The following PAGE2B variants were observed in gnomAD, a reference collection of about 807,000 sequenced individuals.
The protein encoded by PAGE2B is putative G antigen family E member 3.
In PAGE2B, 5 loss-of-function variants were observed where a neutral mutation model predicts 7.6. The ratio of observed to expected loss-of-function variants is 0.66; its 90% confidence interval spans 0.34 to 1.38. PAGE2B has a LOEUF of 1.38. PAGE2B is among the 40% of genes most tolerant of loss of function. PAGE2B has a pLI of 0.04. For synonymous variants in PAGE2B, 29 were observed against 26.7 expected, an observed-to-expected ratio of 1.09 and a Z score of -0.27; for missense variants, 70 against 78.4, an observed-to-expected ratio of 0.89 and a Z score of 0.41.
At chrX:55,036,028 C>T in the PAGE2B span, among the ~76,000 whole-genome samples, 5 of 111,601 alleles carry the variant, frequency 4.5e-5, no homozygotes, top group Non-Finnish European at 7.5e-5. Context: ...CCCTTGTAAG[C>T]TGGATTCCTA....
At chrX:55,053,737 A>G in the PAGE2B span, among the ~76,000 whole-genome samples, 51 of 111,414 alleles carry the variant, frequency 4.6e-4, no homozygotes, top group African/African-American at 1.5e-3. Flanking sequence ...TTTTTTCTAC[A>G]TTCCAATGCA....
chrX:55,041,524 A>G, the PAGE2B span, among the ~76,000 whole-genome samples: 2 of 112,349 alleles, frequency 1.8e-5, no homozygotes, highest in Non-Finnish European at 3.8e-5. Flanking sequence ...GTTGTTTGAC[A>G]GTTGGCAGAG....
chrX:55,072,663 A>G, upstream of PAGE2B, among the ~76,000 whole-genome samples: 1 of 112,410 alleles, frequency 8.9e-6, no homozygotes, highest in Admixed American at 9.4e-5. Context: ...CTGCAGCTGC[A>G]CCCACAGCCA....
At chrX:55,075,488 G>A (rs1936499460) in intron 1 of PAGE2B, among the ~76,000 whole-genome samples, 1 of 111,171 alleles carries the variant, frequency 9.0e-6, no homozygotes, top group Non-Finnish European at 1.9e-5. Flanking sequence ...AGGGGCCTGG[G>A]AACTGGGAAC....
At chrX:55,064,937 C>T in the PAGE2B span, among the ~76,000 whole-genome samples, 489 of 111,331 alleles carry the variant, frequency 4.4e-3, 4 homozygotes, top group African/African-American at 0.015. Flanking sequence ...CAATTTTTTG[C>T]GTGTTTGAAG....
At chrX:55,066,627 G>C in the PAGE2B span, among the ~76,000 whole-genome samples, 1 of 111,648 alleles carries the variant, frequency 9.0e-6, no homozygotes, top group Non-Finnish European at 1.9e-5. Flanking sequence ...GGCCTGTAAG[G>C]TTTCCTCTGA....
At chrX:55,051,214 C>T in the PAGE2B span, among the ~76,000 whole-genome samples, 3 of 111,479 alleles carry the variant, frequency 2.7e-5, no homozygotes, top group African/African-American at 3.3e-5. Flanking sequence ...GTGGGTCACC[C>T]GACCTTTCTC....
chrX:55,038,527 T>C, the PAGE2B span, among the ~76,000 whole-genome samples: 1 of 112,153 alleles, frequency 8.9e-6, no homozygotes, highest in Admixed American at 9.5e-5. Context: ...AACTTACACT[T>C]GTTGATAACT....
chrX:55,054,558 T>A, the PAGE2B span, among the ~76,000 whole-genome samples: 154 of 112,722 alleles, frequency 1.4e-3, no homozygotes, highest in African/African-American at 4.6e-3. Flanking sequence ...GTGTTGTACA[T>A]AACAACATGA....
the PAGE2B span, among the ~76,000 whole-genome samples, chrX:55,028,576 G>A: frequency 2.7e-5 from 3 of 111,401 alleles, no homozygotes; most frequent in East Asian, 2.8e-4. Context: ...GGGGCTTTTG[G>A]CCATGATATG....
At chrX:55,044,453 G>T in the PAGE2B span, among the ~76,000 whole-genome samples, 1 of 111,483 alleles carries the variant, frequency 9.0e-6, no homozygotes, top group Admixed American at 9.6e-5. Context: ...TGGGGACTTG[G>T]GGGGAAGGGT....
At chrX:55,032,041 G>A in the PAGE2B span, among the ~76,000 whole-genome samples, 31 of 111,421 alleles carry the variant, frequency 2.8e-4, no homozygotes, top group Non-Finnish European at 4.9e-4. Context: ...CTCCCTTATT[G>A]ATATAAATTT....
the PAGE2B span, among the ~76,000 whole-genome samples, chrX:55,068,194 T>TA: frequency 6.2e-5 from 7 of 112,527 alleles, no homozygotes; most frequent in Non-Finnish European, 9.4e-5. Context: ...TTTTAGATCT[T>TA]ACGTTTAAGT....
the PAGE2B span, among the ~76,000 whole-genome samples, chrX:55,050,971 G>A: frequency 9.0e-6 from 1 of 111,370 alleles, no homozygotes; most frequent in Non-Finnish European, 1.9e-5. Flanking sequence ...CATTTTTAGT[G>A]CTTCCTTCAG....
the PAGE2B span, among the ~76,000 whole-genome samples, chrX:55,033,180 G>A: frequency 8.9e-6 from 1 of 111,917 alleles, no homozygotes; most frequent in Non-Finnish European, 1.9e-5. Flanking sequence ...CATTTCCTCC[G>A]TTCTTTCTAC....
chrX:55,029,071 A>T, the PAGE2B span, among the ~76,000 whole-genome samples: 1 of 112,317 alleles, frequency 8.9e-6, no homozygotes, highest in Admixed American at 9.4e-5. Flanking sequence ...ACAGTAAAAA[A>T]GTGTTAAATA....
chrX:55,052,758 G>A, the PAGE2B span, among the ~76,000 whole-genome samples: 15 of 112,775 alleles, frequency 1.3e-4, no homozygotes, highest in Non-Finnish European at 2.3e-4. Flanking sequence ...TGTGCTTCCC[G>A]GGTGAGGCGA....
At chrX:55,074,820 CG>C (rs890002140), upstream of PAGE2B, among the ~76,000 whole-genome samples, 1 of 112,014 alleles carries the variant, frequency 8.9e-6, no homozygotes, top group Non-Finnish European at 1.9e-5. Flanking sequence ...AAAGGGTGGG[CG>C]GGGGAAAAAG....
At chrX:55,053,763 C>A in the PAGE2B span, among the ~76,000 whole-genome samples, 1 of 111,762 alleles carries the variant, frequency 8.9e-6, no homozygotes, top group Admixed American at 9.5e-5. Flanking sequence ...TCTGCAAAAA[C>A]AATACATCTA....
Sources: allele counts gnomAD v4.1 joint callset (sites outside exome capture counted in the v4.1 genomes callset), GRCh38; gene constraint gnomAD v4.1.1; transcripts MANE v1.5; gene names NCBI Gene and HGNC (gene_info 2026-07-23, HGNC 2026-07-21).